PRKG1: variants seen among roughly 807,000 people sequenced by gnomAD.
The protein encoded by PRKG1 is protein kinase cGMP-dependent 1.
A neutral mutation model predicts 88.1 loss-of-function variants in PRKG1; 35 were observed. That is an observed-to-expected ratio of 0.40 (90% CI 0.30 to 0.53). The LOEUF (loss-of-function observed/expected upper bound fraction) is 0.53, where lower values mean the gene tolerates loss of function less well. PRKG1 is among the 20% of genes least tolerant of loss of function. PRKG1 has a pLI of 0.59. For synonymous variants in PRKG1, 303 were observed against 292.5 expected, an observed-to-expected ratio of 1.04 and a Z score of -0.37; for missense variants, 540 against 839.8, an observed-to-expected ratio of 0.64 and a Z score of 4.41.
chr10:50,997,979 T>G (rs866735463), intron 1 of PRKG1, among the ~76,000 whole-genome samples: 2 of 152,210 alleles, frequency 1.3e-5, no homozygotes, highest in African/African-American at 4.8e-5. Flanking sequence ...ACCCTCTAGG[T>G]TGATCCAAAT....
At chr10:51,993,341 T>A (rs1207638284) in intron 5 of PRKG1, among the ~76,000 whole-genome samples, 1 of 152,098 alleles carries the variant, frequency 6.6e-6, no homozygotes, top group African/African-American at 2.4e-5. Flanking sequence ...AAATATAGTC[T>A]GCCTGCCTCT....
intron 2 of PRKG1, among the ~76,000 whole-genome samples, chr10:51,321,310 A>G (rs970035255): frequency 1.3e-5 from 2 of 152,208 alleles, no homozygotes; most frequent in Non-Finnish European, 2.9e-5. Flanking sequence ...TAATAGAGCA[A>G]GATTAAATGA....
At chr10:51,651,641 T>C (rs1348298786) in intron 3 of PRKG1, among the ~76,000 whole-genome samples, 1 of 151,742 alleles carries the variant, frequency 6.6e-6, no homozygotes, top group African/African-American at 2.4e-5. Context: ...TGGAGTACAG[T>C]GGCGCCATCC....
At chr10:52,090,166 A>C (rs1454283752) in intron 7 of PRKG1, among the ~76,000 whole-genome samples, 1 of 152,100 alleles carries the variant, frequency 6.6e-6, no homozygotes, top group Non-Finnish European at 1.5e-5. Flanking sequence ...AACTCCTTGG[A>C]GAAATGGCTA....
At chr10:51,052,654 A>T (rs1843577725) in intron 1 of PRKG1, among the ~76,000 whole-genome samples, 1 of 152,226 alleles carries the variant, frequency 6.6e-6, no homozygotes, top group Non-Finnish European at 1.5e-5. Context: ...CCAATGGTAG[A>T]GAATACATGG....
chr10:52,163,225 T>TTGTGTGTGTGTG lies in PRKG1; in HGVS notation c.1076+1274_1076+1285dup, dbSNP rs150295348. On this transcript the variant is annotated intron_variant, in intron 9 of 17. Transcript: ENST00000373980. ...TATGTCAGCTTATCTTTTCGTGTGT[T>TTGTGTGTGTGTG]TGTGTGTGTGTGTGTGTGTGTGTAT... Among the ~76,000 whole-genome samples, 1,177 of 146,802 alleles carry TTGTGTGTGTGTG rather than the reference T, an allele frequency of 8.0e-3. 15 individuals are homozygous for TTGTGTGTGTGTG. The highest frequency in any genetic ancestry group is 0.027 in the African/African-American group (1,080 of 40,234).
chr10:51,267,678 T>G (rs978773283), intron 2 of PRKG1, among the ~76,000 whole-genome samples: 1 of 152,174 alleles, frequency 6.6e-6, no homozygotes, highest in African/African-American at 2.4e-5. Flanking sequence ...TTCAAAGACT[T>G]AAATCTAAGG....
At chr10:51,345,672 C>G (rs1454776847) in intron 2 of PRKG1, among the ~76,000 whole-genome samples, 6 of 152,114 alleles carry the variant, frequency 3.9e-5, no homozygotes, top group Non-Finnish European at 8.8e-5. Context: ...AGGGAAATAG[C>G]CTTATCCTTG....
intron 5 of PRKG1, among the ~76,000 whole-genome samples, chr10:52,035,652 T>G (rs1249393237): frequency 6.6e-6 from 1 of 152,044 alleles, no homozygotes; most frequent in Non-Finnish European, 1.5e-5. Flanking sequence ...CGGATTGAAG[T>G]CTGGGCCAGG....
At chr10:51,714,021 C>T (rs1407514929) in intron 3 of PRKG1, among the ~76,000 whole-genome samples, 1 of 151,880 alleles carries the variant, frequency 6.6e-6, no homozygotes, top group Non-Finnish European at 1.5e-5. Context: ...ACTCTGTTGC[C>T]CAGACTGGAG....
At chr10:52,138,463 G>T (rs760109382) in intron 8 of PRKG1, among the ~76,000 whole-genome samples, 5 of 152,044 alleles carry the variant, frequency 3.3e-5, no homozygotes, top group Admixed American at 2.0e-4. Flanking sequence ...GTTTGTCATG[G>T]GAGTAAGACT....
chr10:51,228,698 G>A (rs895396941), intron 2 of PRKG1, among the ~76,000 whole-genome samples: 9 of 152,156 alleles, frequency 5.9e-5, no homozygotes, highest in African/African-American at 9.7e-5. Context: ...TTGCATGTAC[G>A]ATGTACATTT....
intron 9 of PRKG1, among the ~76,000 whole-genome samples, chr10:52,248,720 CTT>C (rs1272210500): frequency 2.0e-5 from 3 of 152,008 alleles, no homozygotes; most frequent in Non-Finnish European, 4.4e-5. Flanking sequence ...TAAGATGAAA[CTT>C]AATATACTCA....
chr10:52,289,761 A>G (rs912180119), intron 16 of PRKG1, among the ~76,000 whole-genome samples: 3 of 152,168 alleles, frequency 2.0e-5, no homozygotes, highest in Admixed American at 1.3e-4. Context: ...AGAAAATGGG[A>G]CATGTAGAGA....
chr10:51,630,708 A>T (rs530745821), intron 3 of PRKG1, among the ~76,000 whole-genome samples: 79 of 152,286 alleles, frequency 5.2e-4, no homozygotes, highest in African/African-American at 1.9e-3. Context: ...ATCCTCTGCT[A>T]TTCATCAAAT....
intron 5 of PRKG1, among the ~76,000 whole-genome samples, chr10:52,031,730 G>T (rs1053955175): frequency 2.6e-5 from 4 of 152,138 alleles, no homozygotes; most frequent in Non-Finnish European, 5.9e-5. Context: ...TCTAATTTGG[G>T]TATAAGATAT....
At chr10:51,449,524 T>C (rs1263637310) in intron 2 of PRKG1, among the ~76,000 whole-genome samples, 2 of 147,120 alleles carry the variant, frequency 1.4e-5, no homozygotes, top group African/African-American at 5.1e-5. Context: ...AGGATAACAT[T>C]AAAAATAAAG....
intron 2 of PRKG1, among the ~76,000 whole-genome samples, chr10:51,343,194 A>G (rs1564454509): frequency 6.6e-6 from 1 of 151,938 alleles, no homozygotes; most frequent in Non-Finnish European, 1.5e-5. Flanking sequence ...TGTTGTCTAT[A>G]CTCTTTCTTG....
At chr10:52,195,946 A>G (rs531709616) in intron 9 of PRKG1, among the ~76,000 whole-genome samples, 1 of 152,338 alleles carries the variant, frequency 6.6e-6, no homozygotes, top group East Asian at 1.9e-4. Context: ...AACTGAAAAA[A>G]TGGAAATTGA....
Sources: gnomAD v4.1 joint callset for allele counts (sites outside exome capture counted in the v4.1 genomes callset) on GRCh38, gnomAD v4.1.1 for gene constraint, MANE v1.5 for transcripts, NCBI Gene and HGNC (gene_info 2026-07-23, HGNC 2026-07-21) for gene names.